The following CFAP54 variants were observed in gnomAD, a reference collection of about 807,000 sequenced individuals.
CFAP54 encodes the protein cilia- and flagella-associated protein 54.
A neutral mutation model predicts 370.4 loss-of-function variants in CFAP54; 290 were observed. That is an observed-to-expected ratio of 0.78 (90% CI 0.71 to 0.86). CFAP54 has a LOEUF of 0.86. CFAP54 is among the 40% of genes least tolerant of loss of function. The pLI, the probability that CFAP54 is intolerant of heterozygous loss-of-function variation, is 0.00. For missense variants in CFAP54, 3,399 were observed against 3,528.7 expected (o/e 0.96, Z 0.93); for synonymous variants, 1,206 against 1,236.5 (o/e 0.98, Z 0.52).
intron 4 of CFAP54, among the ~76,000 whole-genome samples, chr12:96,510,426 A>G (rs1955153051): frequency 6.6e-6 from 1 of 152,182 alleles, no homozygotes; most frequent in Non-Finnish European, 1.5e-5. Flanking sequence ...AGTTACAGTC[A>G]GAACATTTTA....
intron 61 of CFAP54, among the ~76,000 whole-genome samples, chr12:96,786,101 A>T (rs1236394106): frequency 6.6e-6 from 1 of 152,176 alleles, no homozygotes; most frequent in Non-Finnish European, 1.5e-5. Context: ...TTTAGGGGGA[A>T]CCCAAAAGAA....
intron 26 of CFAP54, among the ~76,000 whole-genome samples, chr12:96,602,973 T>C (rs1442160626): frequency 6.6e-6 from 1 of 152,206 alleles, no homozygotes; most frequent in African/African-American, 2.4e-5. Flanking sequence ...GTTAATATTG[T>C]TATGTGTGAA....
intron 22 of CFAP54, among the ~76,000 whole-genome samples, chr12:96,584,804 C>G (rs1565904062): frequency 2.0e-5 from 3 of 152,202 alleles, no homozygotes; most frequent in Admixed American, 2.0e-4. Context: ...CTCTAGGTCT[C>G]ATACTTCTGG....
chr12:96,764,560 G>A (rs541992165), intron 59 of CFAP54, among the ~76,000 whole-genome samples: 1 of 152,182 alleles, frequency 6.6e-6, no homozygotes, highest in African/African-American at 2.4e-5. Flanking sequence ...GGTCGAGGCT[G>A]CAGTGAGCTG....
intron 64 of CFAP54, among the ~76,000 whole-genome samples, chr12:96,815,393 A>T (rs1187656564): frequency 1.6e-5 from 2 of 122,500 alleles, no homozygotes; most frequent in Non-Finnish European, 3.4e-5. Context: ...CTACTCTTTG[A>T]TGGGGTTGTT....
intron 67 of CFAP54, among the ~76,000 whole-genome samples, chr12:96,865,207 G>C (rs1348381036): frequency 1.3e-5 from 2 of 152,062 alleles, no homozygotes; most frequent in Non-Finnish European, 2.9e-5. Context: ...CAGGTGGAAT[G>C]GATAAAGAAA....
At chr12:96,588,721 G>T (rs1410769750) in intron 22 of CFAP54, among the ~76,000 whole-genome samples, 1 of 150,912 alleles carries the variant, frequency 6.6e-6, no homozygotes. Flanking sequence ...AACTCATTTG[G>T]TGAGATTTTA....
chr12:96,606,813 G>A (rs769593755), intron 26 of CFAP54, among the ~76,000 whole-genome samples: 5 of 152,280 alleles, frequency 3.3e-5, no homozygotes, highest in African/African-American at 9.6e-5. Flanking sequence ...GTTTGTTCTC[G>A]TTGCTTGGCT....
At chr12:96,508,106 G>C (rs1379596661) in intron 4 of CFAP54, among the ~76,000 whole-genome samples, 1 of 146,310 alleles carries the variant, frequency 6.8e-6, no homozygotes, top group African/African-American at 2.5e-5. Context: ...CTCCTTTTAA[G>C]ATCACAACCC....
intron 50 of CFAP54, among the ~76,000 whole-genome samples, chr12:96,724,403 G>T (rs961264818): frequency 6.6e-6 from 1 of 152,054 alleles, no homozygotes; most frequent in African/African-American, 2.4e-5. Flanking sequence ...TTGTGGTTTT[G>T]ATTTGCATTT....
intron 28 of CFAP54, 51 bp from the exon 29 acceptor site, chr12:96,625,667 T>C (rs1956542404): frequency 1.5e-5 from 17 of 1,155,654 alleles, no homozygotes; most frequent in South Asian, 1.4e-4. Context: ...AAAAAATTTG[T>C]ATTTTGCGTT....
chr12:96,543,991 T>C (rs1480191497), intron 14 of CFAP54, among the ~76,000 whole-genome samples: 2 of 152,086 alleles, frequency 1.3e-5, no homozygotes, highest in African/African-American at 2.4e-5. Context: ...AATATTCAGA[T>C]GTGACTCTGT....
chr12:96,846,944 C>T (rs1279402121), intron 66 of CFAP54, among the ~76,000 whole-genome samples: 1 of 152,064 alleles, frequency 6.6e-6, no homozygotes, highest in Non-Finnish European at 1.5e-5. Flanking sequence ...TACTAACTAC[C>T]CAGAGTTTGC....
At chr12:96,615,596 T>C (rs1027103944) in intron 26 of CFAP54, among the ~76,000 whole-genome samples, 3 of 151,946 alleles carry the variant, frequency 2.0e-5, no homozygotes, top group Admixed American at 2.0e-4. Context: ...TGGGAGAAAA[T>C]TTTTGCAATC....
chr12:96,633,416 C>T (rs1956629760), intron 32 of CFAP54, among the ~76,000 whole-genome samples: 1 of 152,166 alleles, frequency 6.6e-6, no homozygotes, highest in South Asian at 2.1e-4. Flanking sequence ...AGGAAATTGA[C>T]ATTGATATAA....
chr12:96,686,914 C>T (rs541436953), intron 42 of CFAP54, among the ~76,000 whole-genome samples: 96 of 152,264 alleles, frequency 6.3e-4, no homozygotes, highest in Non-Finnish European at 1.2e-3. Flanking sequence ...TAAAACAAAA[C>T]AGGTTTATTA....
intron 43 of CFAP54, among the ~76,000 whole-genome samples, chr12:96,690,919 A>G (rs958717061): frequency 2.0e-5 from 3 of 152,318 alleles, no homozygotes; most frequent in Non-Finnish European, 4.4e-5. Context: ...TCCAACTACC[A>G]TGGAATTTAA....
chr12:96,743,559 G>C lies in CFAP54; in HGVS notation c.7377G>C (p.Gln2459His), dbSNP rs137954224. ...AGGCAGACATCATGACAAACCTTCA[G>C]GTAGAAAGGAAACTTTGTTCGTATT... The part of the protein sequence containing the change: ...HLKADIMTNL[Q>H]DIIHLLEGNE... The change falls in exon 53 of 68, where the codon CAG (glutamine) becomes CAC (histidine). Residue 2459 changes from glutamine (Q) to histidine (H), a missense_variant and splice_region_variant. By Grantham distance (24) the Gln-to-His change is conservative. This residue lies in a region of CFAP54 where 2,796 missense variants were observed against 2,869.7 expected (regional missense o/e 0.97). Transcript: ENST00000524981. 2 of 1,613,734 alleles carry C rather than the reference G, an allele frequency of 1.2e-6. No homozygotes were observed. The highest frequency in any genetic ancestry group is 1.3e-5 in the African/African-American group (1 of 74,842).
At chr12:96,559,549 C>G (rs190851491) in intron 17 of CFAP54, among the ~76,000 whole-genome samples, 2 of 152,146 alleles carry the variant, frequency 1.3e-5, no homozygotes, top group East Asian at 3.9e-4. Context: ...ACCATTTTGC[C>G]ACGTTTACTG....
Sources: gnomAD v4.1 joint callset for allele counts (sites outside exome capture counted in the v4.1 genomes callset) on GRCh38, gnomAD v4.1.1 for gene constraint, gnomAD v4.1.1 regional missense constraint, MANE v1.5 for transcripts, NCBI Gene and HGNC (gene_info 2026-07-23, HGNC 2026-07-21) for gene names.